IP6K1: variants seen among roughly 807,000 people sequenced by gnomAD.
IP6K1 encodes ATP:1D-myo-inositol-hexakisphosphate phosphotransferase.
A neutral mutation model predicts 38.3 loss-of-function variants in IP6K1; 13 were observed. The ratio of observed to expected loss-of-function variants is 0.34; its 90% CI spans 0.22 to 0.54. The LOEUF (loss-of-function observed/expected upper bound fraction) is 0.54. IP6K1 is among the 20% of genes least tolerant of loss of function. The pLI is 0.92. For synonymous variants in IP6K1, 212 were observed against 229.9 expected, an observed-to-expected ratio of 0.92 and a Z score of 0.70; for missense variants, 397 against 599.8, an observed-to-expected ratio of 0.66 and a Z score of 3.53.
chr3:49,734,390 A>AT (rs2080587868), intron 3 of IP6K1, among the ~76,000 whole-genome samples: 1 of 132,590 alleles, frequency 7.5e-6, no homozygotes, highest in African/African-American at 2.8e-5. Context: ...CATTACCGTA[A>AT]TTTCTTTTTT....
Position 49,784,380 on chromosome 3 carries a change from C to T in IP6K1, c.-129+1974G>A, listed in dbSNP as rs144497638. On this transcript the variant is annotated intron_variant, in intron 1 of 5. Coordinates refer to ENST00000321599, the MANE Select transcript of IP6K1 (RefSeq NM_153273.4). ...CTAGGCGCGTGACCAGGCACAGTGG[C>T]TCACGCCTGTAATCCCAGCACTTTG... Among the ~76,000 whole-genome samples, 417 of 152,250 alleles carry T rather than the reference C, an allele frequency of 2.7e-3. 1 individual carries two copies. Among genetic ancestry groups the T allele is most frequent in the African/African-American group, 9.5e-3 (396 of 41,576 alleles).
intron 1 of IP6K1, among the ~76,000 whole-genome samples, chr3:49,779,795 C>G (rs1322313728): frequency 6.6e-6 from 1 of 152,152 alleles, no homozygotes; most frequent in Non-Finnish European, 1.5e-5. Flanking sequence ...AAGCAATCCT[C>G]CCGCCCCTGC....
chr3:49,757,910 T>C (rs2080838439), intron 1 of IP6K1, among the ~76,000 whole-genome samples: 1 of 152,094 alleles, frequency 6.6e-6, no homozygotes, highest in Non-Finnish European at 1.5e-5. Context: ...AGGGAAAACA[T>C]GGCAATAAAA....
In IP6K1 at chr3:49,777,387, C is replaced by A. The variant is rs2081025656; in HGVS notation, c.-129+8967G>T. Reference sequence around the variant, plus strand: ...AACCATCCTGGCTAACACAGTGAAACCCCATCTCTACTAAAAATACAAAAA... The same window carrying A: ...AACCATCCTGGCTAACACAGTGAAAACCCATCTCTACTAAAAATACAAAAA... On this transcript the variant is annotated intron_variant, in intron 1 of 5. Transcript: ENST00000321599. 2.0e-5 allele frequency among the ~76,000 whole-genome samples: 3 copies of A among 151,502 alleles called. No homozygotes were observed. In the South Asian group the frequency reaches 6.2e-4, roughly 32 times the overall value.
Position 49,726,868 on chromosome 3 carries a change from T to C in IP6K1, c.*254A>G. ...CTGCCAAGCCCACCAGGGGCACCTC[T>C]TCCTTCCTAAGGCAGCCTGGACACA... On this transcript the variant is annotated 3_prime_UTR_variant, in exon 6 of 6. Coordinates refer to ENST00000321599, the MANE Select transcript of IP6K1 (RefSeq NM_153273.4). 2.1e-6 allele frequency: 1 copy of C among 467,270 alleles called. No individual in the cohort carries two copies. The highest frequency in any genetic ancestry group is 3.7e-6 in the Non-Finnish European group (1 of 267,110). The allele number at this position is 467,270 out of a possible 1,614,324, so 28.9% of individuals were successfully genotyped here.
At chr3:49,763,253 G>T (rs957377980) in intron 1 of IP6K1, among the ~76,000 whole-genome samples, 1 of 149,034 alleles carries the variant, frequency 6.7e-6, no homozygotes, top group Non-Finnish European at 1.5e-5. Flanking sequence ...ACAGGCGCCC[G>T]CCACACACCC....
rs1458410615 is a variant in IP6K1, at chr3:49,726,782, C to G, written c.*340G>C. On this transcript the variant is annotated 3_prime_UTR_variant, in exon 6 of 6. Transcript: ENST00000321599. ...TTACCTTACAATCAGCAGGGCCCTGCAGCCACAGATCTCAAAGATCTAGAC... is the reference window on the plus strand; with the variant it reads ...TTACCTTACAATCAGCAGGGCCCTGGAGCCACAGATCTCAAAGATCTAGAC... The G allele has an allele frequency of 2.6e-6, 1 of 386,178 alleles. No homozygotes were observed. The highest frequency in any genetic ancestry group is 4.6e-6 in the Non-Finnish European group (1 of 217,624). The allele number at this position is 386,178 out of a possible 1,614,324, so 23.9% of individuals were successfully genotyped here.
intron 1 of IP6K1, chr3:49,775,465 G>A: frequency 1.9e-6 from 1 of 535,860 alleles, no homozygotes; most frequent in Non-Finnish European, 3.4e-6. Context: ...GTGATCTGTG[G>A]AGGCCCTGGG....
chr3:49,726,711 A>C lies in IP6K1; in HGVS notation c.*411T>G. The C allele has an allele frequency of 2.2e-5, 5 of 231,800 alleles. No individual in the cohort carries two copies. Among genetic ancestry groups the C allele is most frequent in the East Asian group, 8.7e-5 (1 of 11,458 alleles). The allele number at this position is 231,800 out of a possible 1,614,324, so 14.4% of individuals were successfully genotyped here. The stretch of plus-strand genomic sequence containing the variant: ...ACCCAGAGCCCTCTACTTCTGGGGA[A>C]CAAGGGAAGAGTGGGCGTGGAGGGG... On this transcript the variant is annotated 3_prime_UTR_variant, in exon 6 of 6. Coordinates refer to ENST00000321599, the MANE Select transcript of IP6K1 (RefSeq NM_153273.4).
At chr3:49,765,913 A>G (rs946578128) in intron 1 of IP6K1, among the ~76,000 whole-genome samples, 2 of 151,752 alleles carry the variant, frequency 1.3e-5, no homozygotes, top group African/African-American at 4.8e-5. Flanking sequence ...GCGGTGGCTC[A>G]CGCCTGTAAT....
chr3:49,731,886 T>TAAAAAAAAAAAAAA, intron 4 of IP6K1, among the ~76,000 whole-genome samples: 1 of 21,386 alleles, frequency 4.7e-5, no homozygotes, highest in Non-Finnish European at 1.0e-4. Context: ...AGACTCTGTC[T>TAAAAAAAAAAAAAA]CAAAAAAAAA....
At position 49,726,774 on chromosome 3, in the gene IP6K1, G is replaced by A. The variant is rs1166584993; in HGVS notation, c.*348C>T. The A allele has an allele frequency of 5.4e-6, 2 of 373,632 alleles. No individual in the cohort carries two copies. Among genetic ancestry groups the A allele is most frequent in the African/African-American group, 4.2e-5 (2 of 48,010 alleles). 23.1% of individuals were successfully genotyped at this position (373,632 alleles called of 1,614,324 possible). Reference sequence around the variant, plus strand: ...CCAGGGCTTTACCTTACAATCAGCAGGGCCCTGCAGCCACAGATCTCAAAG... The same window carrying A: ...CCAGGGCTTTACCTTACAATCAGCAAGGCCCTGCAGCCACAGATCTCAAAG... On this transcript the variant is annotated 3_prime_UTR_variant, in exon 6 of 6. Coordinates refer to ENST00000321599, the MANE Select transcript of IP6K1 (RefSeq NM_153273.4).
chr3:49,741,422 T>C (rs2080668239), intron 2 of IP6K1, among the ~76,000 whole-genome samples: 1 of 152,248 alleles, frequency 6.6e-6, no homozygotes, highest in South Asian at 2.1e-4. Flanking sequence ...TAATGACTAA[T>C]CATGTTGATG....
chr3:49,733,778 T>C lies in IP6K1; in HGVS notation c.435-806A>G, dbSNP rs150520311. Among the ~76,000 whole-genome samples, 1,388 of 152,262 alleles carry C rather than the reference T, an allele frequency of 9.1e-3. 19 individuals carry two copies. The highest frequency in any genetic ancestry group is 0.032 in the African/African-American group (1,332 of 41,550). On this transcript the variant is annotated intron_variant, in intron 3 of 5. Coordinates refer to ENST00000321599, the MANE Select transcript of IP6K1 (RefSeq NM_153273.4). ...GAATGGGGAGTCAGTTGCACAACAA[T>C]GTGAATGTACTTAATGCTACCAAAC...
chr3:49,732,699 TAGAC>T, intron 4 of IP6K1, 88 bp downstream of exon 4: 1 of 1,039,988 alleles, frequency 9.6e-7, no homozygotes, highest in Non-Finnish European at 1.4e-6. Context: ...AGAGGGACCC[TAGAC>T]AAAGACCTCA....
At chr3:49,731,638 C>T (rs9870858) in intron 4 of IP6K1, among the ~76,000 whole-genome samples, 122,747 of 152,028 alleles carry the variant, frequency 0.81, 50,083 homozygotes, top group East Asian at 0.99. Flanking sequence ...AAATTAACTA[C>T]GTACAAAAGG....
chr3:49,783,871 T>C (rs988985376), intron 1 of IP6K1, among the ~76,000 whole-genome samples: 1 of 152,104 alleles, frequency 6.6e-6, no homozygotes, highest in South Asian at 2.1e-4. Context: ...ACTACTCAAC[T>C]TCTCCCTTGC....
intron 3 of IP6K1, among the ~76,000 whole-genome samples, chr3:49,735,604 G>T (rs1367034273): frequency 6.6e-6 from 1 of 152,138 alleles, no homozygotes; most frequent in Non-Finnish European, 1.5e-5. Flanking sequence ...CCAAGAAGTG[G>T]GTATGAAGCT....
At chr3:49,770,383 A>G (rs754215827) in intron 1 of IP6K1, among the ~76,000 whole-genome samples, 15 of 152,216 alleles carry the variant, frequency 9.9e-5, no homozygotes, top group Non-Finnish European at 2.2e-4. Context: ...TTAACTTAGG[A>G]TGACTCAGAG....
Sources: gnomAD v4.1 joint callset for allele counts (sites outside exome capture counted in the v4.1 genomes callset) on GRCh38, gnomAD v4.1.1 for gene constraint, MANE v1.5 for transcripts, NCBI Gene and HGNC (gene_info 2026-07-23, HGNC 2026-07-21) for gene names.